CFAP61: variants seen among roughly 807,000 people sequenced by gnomAD.
The protein encoded by CFAP61 is cilia- and flagella-associated protein 61.
CFAP61 carries 107 observed loss-of-function variants against 135.6 expected under a neutral mutation model. The observed-to-expected ratio is 0.79, with a 90% confidence interval of 0.67 to 0.93. The LOEUF is 0.93. CFAP61 is among the 40% of genes least tolerant of loss of function. The pLI is 0.00. For synonymous variants in CFAP61, 575 were observed against 578.5 expected (o/e 0.99, Z 0.09); for missense variants, 1,507 against 1,556.2 (o/e 0.97, Z 0.53).
At chr20:20,201,095 AGTTTT>A (rs1331112707) in intron 17 of CFAP61, 10 of 416,710 alleles carry the variant, frequency 2.4e-5, no homozygotes, top group Middle Eastern at 2.4e-3. Flanking sequence ...ATGGACTGAT[AGTTTT>A]GTAAAAAGTG....
At chr20:20,052,895 T>G in intron 1 of CFAP61, 1 of 630,452 alleles carries the variant, frequency 1.6e-6, no homozygotes, top group Non-Finnish European at 2.7e-6. Context: ...CCCTCGTTTC[T>G]GGTTTCGGGA....
chr20:20,180,546 T>A (rs1414812414), intron 13 of CFAP61, among the ~76,000 whole-genome samples: 1 of 152,120 alleles, frequency 6.6e-6, no homozygotes, highest in Non-Finnish European at 1.5e-5. Flanking sequence ...GCAGGAATGC[T>A]TATACTCTAT....
At chr20:20,284,187 T>C (rs902297930) in intron 22 of CFAP61, among the ~76,000 whole-genome samples, 3 of 152,202 alleles carry the variant, frequency 2.0e-5, no homozygotes, top group Non-Finnish European at 2.9e-5. Context: ...TCTTTTCTGT[T>C]CCCCCTTGCC....
At chr20:20,355,683 G>T (rs1446886133) in intron 26 of CFAP61, among the ~76,000 whole-genome samples, 1 of 145,084 alleles carries the variant, frequency 6.9e-6, no homozygotes, top group Non-Finnish European at 1.5e-5. Flanking sequence ...CTAAGGGGAG[G>T]TGGTCACACT....
At chr20:20,159,177 G>A (rs902412498) in intron 9 of CFAP61, among the ~76,000 whole-genome samples, 193 bp from the exon 10 acceptor site, 2 of 152,200 alleles carry the variant, frequency 1.3e-5, no homozygotes, top group East Asian at 1.9e-4. Context: ...CCTCATAACA[G>A]CCTTATGAAA....
chr20:20,327,120 T>G (rs1157379608), intron 25 of CFAP61, among the ~76,000 whole-genome samples: 1 of 152,220 alleles, frequency 6.6e-6, no homozygotes, highest in Non-Finnish European at 1.5e-5. Flanking sequence ...TGCTCTTGTG[T>G]TGAAGTCTCT....
At chr20:20,230,403 T>A (rs2146950432) in intron 18 of CFAP61, among the ~76,000 whole-genome samples, 1 of 152,360 alleles carries the variant, frequency 6.6e-6, no homozygotes, top group African/African-American at 2.4e-5. Context: ...ACTTTCCCAG[T>A]TTAACTGCCA....
At chr20:20,083,560 A>G (rs1280700690) in intron 6 of CFAP61, among the ~76,000 whole-genome samples, 4 of 152,256 alleles carry the variant, frequency 2.6e-5, no homozygotes, top group East Asian at 1.9e-4. Flanking sequence ...TGTAATTACA[A>G]ACTTTTAACT....
rs6136961 is a variant in CFAP61, at chr20:20,182,911, A to G, written c.1386-5019A>G. On this transcript the variant is annotated intron_variant, in intron 13 of 26. Coordinates refer to ENST00000245957, the MANE Select transcript of CFAP61 (RefSeq NM_015585.4). ...AACAAGTGCATAGTGACACATGGCT[A>G]TCAGAACACACTAAGTAAAGAATCC... Among the ~76,000 whole-genome samples the G allele has an allele frequency of 3.5e-4, 54 of 152,342 alleles. No homozygotes were observed. In the East Asian group the frequency reaches 9.7e-3, roughly 27 times the overall value.
At chr20:20,265,087 A>G (rs1195305416) in intron 21 of CFAP61, among the ~76,000 whole-genome samples, 1 of 152,220 alleles carries the variant, frequency 6.6e-6, no homozygotes, top group Non-Finnish European at 1.5e-5. Context: ...AACATTTTTG[A>G]CAAATCATTA....
intron 24 of CFAP61, among the ~76,000 whole-genome samples, chr20:20,290,651 G>A (rs569966190): frequency 6.6e-6 from 1 of 152,326 alleles, no homozygotes; most frequent in African/African-American, 2.4e-5. Flanking sequence ...GACTTCCAAG[G>A]TCAGGTCAGG....
chr20:20,227,896 C>T (rs1044126311), intron 17 of CFAP61, among the ~76,000 whole-genome samples: 3 of 152,192 alleles, frequency 2.0e-5, no homozygotes, highest in African/African-American at 7.2e-5. Flanking sequence ...TTTCATGGAA[C>T]TACAGATTCT....
chr20:20,259,011 T>C (rs922944564), intron 20 of CFAP61, among the ~76,000 whole-genome samples: 3 of 152,194 alleles, frequency 2.0e-5, no homozygotes, highest in African/African-American at 7.2e-5. Context: ...TTTCCCTTTC[T>C]TGTTGCTTCC....
At chr20:20,109,000 T>C (rs1371732830) in intron 8 of CFAP61, among the ~76,000 whole-genome samples, 1 of 152,238 alleles carries the variant, frequency 6.6e-6, no homozygotes, top group African/African-American at 2.4e-5. Flanking sequence ...TGTCATATTG[T>C]CTTTCAATGT....
In CFAP61 at chr20:20,056,805, A is replaced by G. The variant is rs1368650867; in HGVS notation, c.143+9A>G. The stretch of plus-strand genomic sequence containing the variant: ...AATATCATCTATCTTCTGTAAGTAG[A>G]TAACTAAGTTCAAGAATGTTCATCA... On this transcript the variant is annotated intron_variant, in intron 2 of 26. Transcript: ENST00000245957. The G allele has an allele frequency of 6.2e-7, 1 of 1,613,556 alleles. No individual in the cohort carries two copies. Among genetic ancestry groups the G allele is most frequent in the Non-Finnish European group, 8.5e-7 (1 of 1,179,730 alleles).
chr20:20,325,730 A>T (rs2057721694), intron 25 of CFAP61, among the ~76,000 whole-genome samples: 1 of 152,200 alleles, frequency 6.6e-6, no homozygotes, highest in East Asian at 1.9e-4. Context: ...GACTATACCA[A>T]GGAACACAAT....
In CFAP61 at chr20:20,251,394, G is replaced by T. The variant is rs140425747; in HGVS notation, c.2160-201G>T. Among the ~76,000 whole-genome samples, 541 of 151,666 alleles carry T rather than the reference G, an allele frequency of 3.6e-3. 5 individuals carry two copies. Among genetic ancestry groups the T allele is most frequent in the African/African-American group, 0.012 (511 of 41,424 alleles). ...GTTGTGGGCTGACCTAAGCCAGGTG[G>T]AACAATTTAGCTTTAATGGGAAGAT... On this transcript the variant is annotated intron_variant, in intron 19 of 26. Transcript: ENST00000245957.
Position 20,122,939 on chromosome 20 carries a change from A to G in CFAP61, c.860-19918A>G, listed in dbSNP as rs2049782696. The stretch of plus-strand genomic sequence containing the variant: ...ACGCCAACATCTACTGTTTTTTTTA[A>G]TATATTTTTTTATTATGGCCATTCT... On this transcript the variant is annotated intron_variant, in intron 8 of 26. Coordinates refer to ENST00000245957, the MANE Select transcript of CFAP61 (RefSeq NM_015585.4). 2.0e-5 allele frequency among the ~76,000 whole-genome samples: 3 copies of G among 151,494 alleles called. No individual in the cohort carries two copies. In the South Asian group the frequency reaches 6.2e-4, roughly 31 times the overall value.
chr20:20,132,644 G>A (rs2050628126), intron 8 of CFAP61, among the ~76,000 whole-genome samples: 1 of 151,952 alleles, frequency 6.6e-6, no homozygotes, highest in African/African-American at 2.4e-5. Flanking sequence ...CCTACTCATA[G>A]GCTGTCTATC....
Sources: allele counts gnomAD v4.1 joint callset (sites outside exome capture counted in the v4.1 genomes callset), GRCh38; gene constraint gnomAD v4.1.1; transcripts MANE v1.5; gene names NCBI Gene and HGNC (gene_info 2026-07-23, HGNC 2026-07-21).